GMDS: variants seen among roughly 807,000 people sequenced by gnomAD.
GMDS encodes GDP-mannose 4,6-dehydratase, also known as GDP-mannose 4,6 dehydratase.
A neutral mutation model predicts 49.9 loss-of-function variants in GMDS; 20 were observed. That is an observed-to-expected ratio of 0.40 (90% CI 0.28 to 0.58). The LOEUF (loss-of-function observed/expected upper bound fraction) is 0.58. Ranked by LOEUF, GMDS falls within the 20% of genes least tolerant of loss-of-function variation. The pLI is 0.42. For synonymous variants in GMDS, 177 were observed against 178.6 expected, an observed-to-expected ratio of 0.99 and a Z score of 0.07; for missense variants, 362 against 481.4, an observed-to-expected ratio of 0.75 and a Z score of 2.32.
chr6:2,237,039 T>C (rs922582543), intron 1 of GMDS, among the ~76,000 whole-genome samples: 2 of 152,248 alleles, frequency 1.3e-5, no homozygotes, highest in Admixed American at 6.5e-5. Flanking sequence ...ATGTGGTAAA[T>C]TGTTTAAAAG....
intron 7 of GMDS, among the ~76,000 whole-genome samples, chr6:1,750,675 A>C (rs1326446483): frequency 1.4e-4 from 22 of 151,848 alleles, no homozygotes. Flanking sequence ...TAGCTGCAGG[A>C]GGTTTTTTTT....
At position 1,742,896 on chromosome 6, in the gene GMDS, G is replaced by A. The variant is rs141771689; in HGVS notation, c.772-310C>T. ...ATAGTGCAGGTCCTCAGACCACAAC[G>A]TAGAGGAATGTGATGTGAAGCAGTG... On this transcript the variant is annotated intron_variant, in intron 7 of 10. Transcript: ENST00000380815. 1.9e-3 allele frequency among the ~76,000 whole-genome samples: 284 copies of A among 152,298 alleles called. 2 individuals carry two copies. Among genetic ancestry groups the A allele is most frequent in the African/African-American group, 6.5e-3 (272 of 41,568 alleles).
At chr6:1,720,228 A>AG (rs112961745) in intron 9 of GMDS, among the ~76,000 whole-genome samples, 7,997 of 152,182 alleles carry the variant, frequency 0.053, 258 homozygotes, top group African/African-American at 0.09. Context: ...AATGCTCTTG[A>AG]GGGGGGAGAG....
chr6:1,749,256 C>T (rs1017727896), intron 7 of GMDS, among the ~76,000 whole-genome samples: 6 of 152,150 alleles, frequency 3.9e-5, no homozygotes, highest in African/African-American at 1.4e-4. Flanking sequence ...TCACAATCTG[C>T]GGTGTTCCTT....
chr6:1,901,928 G>C (rs1409270471), intron 7 of GMDS, among the ~76,000 whole-genome samples: 1 of 152,228 alleles, frequency 6.6e-6, no homozygotes, highest in Non-Finnish European at 1.5e-5. Flanking sequence ...ACAGGGAAAA[G>C]GGCTACTGTG....
intron 1 of GMDS, among the ~76,000 whole-genome samples, chr6:2,218,677 C>A: frequency 6.6e-6 from 1 of 152,218 alleles, no homozygotes; most frequent in South Asian, 2.1e-4. Context: ...ATTTAATATG[C>A]ACAATTGTAA....
chr6:2,058,693 A>G (rs563682960), intron 4 of GMDS, among the ~76,000 whole-genome samples: 26 of 152,322 alleles, frequency 1.7e-4, no homozygotes, highest in Non-Finnish European at 3.2e-4. Context: ...AGTCCAGCAG[A>G]GATCAACGGA....
At position 1,958,120 on chromosome 6, in the gene GMDS, T is replaced by G. The variant is rs561405299; in HGVS notation, c.643+1747A>C. Among the ~76,000 whole-genome samples, 357 of 151,424 alleles carry G rather than the reference T, an allele frequency of 2.4e-3. 1 individual carries two copies. The highest frequency in any genetic ancestry group is 8.2e-3 in the African/African-American group (339 of 41,434). ...TGTGCCTGGCCTTAAAATATGTTTT[T>G]TTTTTTTTTTTTTTAGTTAGTGGTT... is the stretch of plus-strand genomic sequence containing the variant. On this transcript the variant is annotated intron_variant, in intron 6 of 10. Transcript: ENST00000380815.
chr6:1,786,684 C>T (rs943193901), intron 7 of GMDS, among the ~76,000 whole-genome samples: 1 of 152,176 alleles, frequency 6.6e-6, no homozygotes, highest in Non-Finnish European at 1.5e-5. Flanking sequence ...AGCAATGCTG[C>T]CCACACTCCC....
At chr6:1,865,619 G>T (rs1581272614) in intron 7 of GMDS, among the ~76,000 whole-genome samples, 1 of 151,984 alleles carries the variant, frequency 6.6e-6, no homozygotes, top group Non-Finnish European at 1.5e-5. Flanking sequence ...GAATGCTTAG[G>T]TTAAAAAAGA....
intron 6 of GMDS, among the ~76,000 whole-genome samples, chr6:1,931,354 G>A (rs766219970): frequency 2.0e-5 from 3 of 152,200 alleles, no homozygotes; most frequent in South Asian, 2.1e-4. Flanking sequence ...GTGGCTTAGC[G>A]CAAGTTCAAA....
intron 7 of GMDS, among the ~76,000 whole-genome samples, chr6:1,925,405 T>C (rs9392345): frequency 0.41 from 62,225 of 152,074 alleles, 13,327 homozygotes; most frequent in Non-Finnish European, 0.48. Flanking sequence ...TAAATCATTG[T>C]GAAAATTTTT....
chr6:1,909,207 G>C (rs1173078261), intron 7 of GMDS, among the ~76,000 whole-genome samples: 1 of 152,186 alleles, frequency 6.6e-6, no homozygotes, highest in Non-Finnish European at 1.5e-5. Flanking sequence ...AATTAAGTGA[G>C]ATAAACCCCA....
chr6:1,847,478 C>T (rs952412896), intron 7 of GMDS, among the ~76,000 whole-genome samples: 4 of 152,166 alleles, frequency 2.6e-5, no homozygotes, highest in Non-Finnish European at 5.9e-5. Flanking sequence ...TGTCTTGGAG[C>T]GGTTTTAAAT....
intron 7 of GMDS, among the ~76,000 whole-genome samples, chr6:1,852,762 A>G (rs1217749922): frequency 6.6e-6 from 1 of 151,038 alleles, no homozygotes; most frequent in Non-Finnish European, 1.5e-5. Context: ...GCTAGAGTGC[A>G]ATGGTGTGAT....
chr6:1,998,701 C>A (rs1028419682), intron 4 of GMDS, among the ~76,000 whole-genome samples: 3 of 152,066 alleles, frequency 2.0e-5, no homozygotes, highest in Non-Finnish European at 4.4e-5. Context: ...TATAAGTTAT[C>A]TAAGACGATT....
chr6:1,841,919 G>A (rs927272782), intron 7 of GMDS, among the ~76,000 whole-genome samples: 14 of 152,134 alleles, frequency 9.2e-5, no homozygotes, highest in East Asian at 3.9e-4. Context: ...CTTCCTCTCC[G>A]TTTTTCCCAC....
intron 9 of GMDS, among the ~76,000 whole-genome samples, chr6:1,629,661 T>A (rs1365565592): frequency 6.6e-6 from 1 of 152,160 alleles, no homozygotes; most frequent in Non-Finnish European, 1.5e-5. Context: ...ACTCCCACTG[T>A]CGCCACTGTC....
chr6:2,175,819 T>C (rs2127558029), intron 1 of GMDS: 1 of 661,272 alleles, frequency 1.5e-6, no homozygotes. Flanking sequence ...TAAAACATGT[T>C]GTAAGCACCT....
Sources: allele counts gnomAD v4.1 joint callset (sites outside exome capture counted in the v4.1 genomes callset), GRCh38; gene constraint gnomAD v4.1.1; transcripts MANE v1.5; gene names NCBI Gene and HGNC (gene_info 2026-07-23, HGNC 2026-07-21).